WDFY4: variants seen among roughly 807,000 people sequenced by gnomAD.
The protein encoded by WDFY4 is WDFY family member 4, also known as WD repeat- and FYVE domain-containing protein 4.
Under a neutral mutation model 351.9 loss-of-function variants are expected in WDFY4, and 169 were observed. The observed-to-expected ratio is 0.48, with a 90% CI of 0.42 to 0.55. WDFY4 has a LOEUF of 0.55. Ranked by LOEUF, WDFY4 falls within the 20% of genes least tolerant of loss-of-function variation. WDFY4 has a pLI of 0.00. For missense variants in WDFY4, 3,803 were observed against 3,935.6 expected, an observed-to-expected ratio of 0.97 and a Z score of 0.90; for synonymous variants, 1,622 against 1,574.6, an observed-to-expected ratio of 1.03 and a Z score of -0.71.
intron 39 of WDFY4, among the ~76,000 whole-genome samples, chr10:48,866,231 A>T (rs2069537362): frequency 6.6e-6 from 1 of 151,838 alleles, no homozygotes; most frequent in Admixed American, 6.6e-5. Context: ...TATAACTATG[A>T]GTTTTCCTTT....
At chr10:48,820,135 T>G in intron 32 of WDFY4, 99 bp from the exon 33 acceptor site, 2 of 1,322,898 alleles carry the variant, frequency 1.5e-6, no homozygotes, top group Non-Finnish European at 2.1e-6. Flanking sequence ...TACATGTCAC[T>G]GGGCATGACA....
At position 48,839,278 on chromosome 10, in the gene WDFY4, A is replaced by C. The variant is rs2068514637; in HGVS notation, c.6663+6569A>C. Among the ~76,000 whole-genome samples the C allele has an allele frequency of 2.0e-5, 3 of 152,252 alleles. No individual in the cohort carries two copies. In the South Asian group the frequency reaches 6.2e-4, roughly 32 times the overall value. On this transcript the variant is annotated intron_variant, in intron 39 of 61. Coordinates refer to ENST00000325239, the MANE Select transcript of WDFY4 (RefSeq NM_001394531.1). ...AAAACAGAAGTCAGAATTCTCAGAG[A>C]AATTCTTCTGAAAAAGAGTTAAAGA... is the stretch of plus-strand genomic sequence containing the variant.
At chr10:48,899,201 G>A (rs917762002) in intron 45 of WDFY4, among the ~76,000 whole-genome samples, 4 of 152,174 alleles carry the variant, frequency 2.6e-5, no homozygotes, top group African/African-American at 9.7e-5. Context: ...GAGAAAGGCA[G>A]AGCTTGGCAC....
At chr10:48,750,617 T>C (rs1364940900) in intron 12 of WDFY4, among the ~76,000 whole-genome samples, 1 of 152,234 alleles carries the variant, frequency 6.6e-6, no homozygotes, top group Non-Finnish European at 1.5e-5. Flanking sequence ...CTGATCACAG[T>C]GCAAATCAAT....
chr10:48,884,580 T>C (rs2070382380), intron 43 of WDFY4, among the ~76,000 whole-genome samples: 1 of 151,922 alleles, frequency 6.6e-6, no homozygotes. Flanking sequence ...CTGATGCGTG[T>C]ACACATATGC....
intron 39 of WDFY4, among the ~76,000 whole-genome samples, chr10:48,866,910 C>T (rs1468249900): frequency 6.6e-6 from 1 of 152,148 alleles, no homozygotes; most frequent in Non-Finnish European, 1.5e-5. Context: ...ATCACTCACG[C>T]TTGTAATCCC....
At chr10:48,924,690 T>G (rs970869335) in intron 47 of WDFY4, among the ~76,000 whole-genome samples, 3 of 152,228 alleles carry the variant, frequency 2.0e-5, no homozygotes, top group African/African-American at 7.2e-5. Flanking sequence ...TTTTTTCTCT[T>G]TAGTCATTGT....
At chr10:48,958,965 T>C (rs1216587014) in intron 52 of WDFY4, among the ~76,000 whole-genome samples, 1 of 152,182 alleles carries the variant, frequency 6.6e-6, no homozygotes, top group African/African-American at 2.4e-5. Context: ...CAGGCAAGAC[T>C]GTAGCTCACA....
Position 48,856,807 on chromosome 10 carries a change from A to G in WDFY4, c.6664-10458A>G, listed in dbSNP as rs1211199295. Among the ~76,000 whole-genome samples the G allele has an allele frequency of 3.3e-5, 5 of 152,302 alleles. No individual in the cohort carries two copies. The South Asian group carries it at 8.3e-4, about 25-fold the overall frequency. ...TTCCCTGAGTTATGGAGTTCTCCCA[A>G]TTGTTGACACATTTTATTATGCAAT... On this transcript the variant is annotated intron_variant, in intron 39 of 61. Transcript: ENST00000325239.
At chr10:48,908,348 G>T (rs1837734554) in intron 47 of WDFY4, among the ~76,000 whole-genome samples, 1 of 152,210 alleles carries the variant, frequency 6.6e-6, no homozygotes, top group African/African-American at 2.4e-5. Flanking sequence ...CCTGTGCCCA[G>T]CTACCTCCAG....
rs570995423 is a variant in WDFY4, at chr10:48,714,602, G to T, written c.234+4636G>T. On this transcript the variant is annotated intron_variant, in intron 2 of 61. Transcript: ENST00000325239. ...CTTCTAGCAATCATGGGAAGGTGCT[G>T]GTTTTGGGGGAAGAAAATCACTTGA... is the stretch of plus-strand genomic sequence containing the variant. 2.0e-5 allele frequency among the ~76,000 whole-genome samples: 3 copies of T among 152,320 alleles called. No homozygotes were observed. The South Asian group carries it at 6.2e-4, about 32-fold the overall frequency.
chr10:48,770,401 G>A (rs1746502236), intron 13 of WDFY4, among the ~76,000 whole-genome samples: 1 of 152,186 alleles, frequency 6.6e-6, no homozygotes, highest in African/African-American at 2.4e-5. Context: ...ATAAAAACTG[G>A]AAATCATAGA....
Position 48,786,722 on chromosome 10 carries a change from T to C in WDFY4, c.3660T>C (p.Thr1220=), listed in dbSNP as rs1223503642. 1.3e-6 allele frequency: 2 copies of C among 1,552,318 alleles called. No homozygotes were observed. The highest frequency in any genetic ancestry group is 3.9e-5 in the Admixed American group (2 of 51,016). The part of the protein sequence containing the change: ...AFVDVYGYIA[T]PRVWKQKSSL... ...TGGATGTTTATGGATATATTGCTAC[T>C]CCTCGAGTCTGGAAACAAAAGTCTT... is the stretch of plus-strand genomic sequence containing the variant. The change falls in exon 20 of 62, where the codon ACT becomes ACC. Residue 1220 remains threonine, a synonymous_variant. Coordinates refer to ENST00000325239, the MANE Select transcript of WDFY4 (RefSeq NM_001394531.1).
At chr10:48,745,099 T>C (rs2064968584) in intron 12 of WDFY4, among the ~76,000 whole-genome samples, 1 of 152,240 alleles carries the variant, frequency 6.6e-6, no homozygotes, top group Non-Finnish European at 1.5e-5. Context: ...ATCTTCTTTT[T>C]ACATGTAAAT....
chr10:48,844,724 C>T (rs1473739526), intron 39 of WDFY4, among the ~76,000 whole-genome samples: 1 of 152,154 alleles, frequency 6.6e-6, no homozygotes, highest in East Asian at 1.9e-4. Flanking sequence ...AATGAAAGAG[C>T]AATTGAACAA....
At chr10:48,915,253 G>T (rs910656254) in intron 47 of WDFY4, among the ~76,000 whole-genome samples, 2 of 152,154 alleles carry the variant, frequency 1.3e-5, no homozygotes, top group Non-Finnish European at 2.9e-5. Context: ...TACACATATT[G>T]TTTCTAATCC....
chr10:48,745,800 C>T (rs908127500), intron 12 of WDFY4: 3 of 401,180 alleles, frequency 7.5e-6, no homozygotes, highest in South Asian at 2.3e-5. Flanking sequence ...TCTAGTTTTC[C>T]TGCTGTAGGG....
At chr10:48,913,979 C>G (rs2133504850) in intron 47 of WDFY4, 1 of 1,614,156 alleles carries the variant, frequency 6.2e-7, no homozygotes, top group East Asian at 2.2e-5. Flanking sequence ...TGATAAGATT[C>G]CGGCTAAGGT....
chr10:48,835,022 G>T (rs2068335673), intron 39 of WDFY4, among the ~76,000 whole-genome samples: 1 of 152,180 alleles, frequency 6.6e-6, no homozygotes, highest in Admixed American at 6.5e-5. Context: ...GGTGAGGGCA[G>T]GCTGCTGAAG....
Sources: gnomAD v4.1 joint callset for allele counts (sites outside exome capture counted in the v4.1 genomes callset) on GRCh38, gnomAD v4.1.1 for gene constraint, MANE v1.5 for transcripts, NCBI Gene and HGNC (gene_info 2026-07-23, HGNC 2026-07-21) for gene names.